The following BIN3 variants were observed in gnomAD, a reference collection of about 807,000 sequenced individuals.
The protein encoded by BIN3 is bridging integrator 3.
A neutral mutation model predicts 38.2 loss-of-function variants in BIN3; 41 were observed. The ratio of observed to expected loss-of-function variants is 1.07; its 90% confidence interval spans 0.84 to 1.39. The LOEUF is 1.39. Among genes scored for constraint, BIN3 ranks in the 40% most tolerant of loss-of-function variants. The probability of loss-of-function intolerance (pLI) is 0.00; values close to 1 mark genes in which losing one functional copy is unlikely to be tolerated. For synonymous variants in BIN3, 145 were observed against 122.6 expected, an observed-to-expected ratio of 1.18 and a Z score of -1.21; for missense variants, 361 against 324.3, an observed-to-expected ratio of 1.11 and a Z score of -0.87.
intron 6 of BIN3, chr8:22,625,574 C>G (rs538442355): frequency 4.9e-6 from 3 of 607,366 alleles, no homozygotes; most frequent in Non-Finnish European, 8.9e-6. Context: ...CCAGATGTGC[C>G]TCTCAAAGGA....
intron 1 of BIN3, among the ~76,000 whole-genome samples, chr8:22,645,931 T>C (rs1329565998): frequency 6.6e-6 from 1 of 152,192 alleles, no homozygotes; most frequent in African/African-American, 2.4e-5. Context: ...AAGTCTGCCT[T>C]GGACTTGCTA....
chr8:22,629,963 CT>C lies in BIN3; in HGVS notation c.338del (p.Lys113SerfsTer13), dbSNP rs776003776. On this transcript the variant is annotated frameshift_variant and splice_region_variant, in exon 6 of 9. Coordinates refer to ENST00000276416, the MANE Select transcript of BIN3 (RefSeq NM_018688.6). LOFTEE classifies it high-confidence loss of function. ...IQKTVIEPLK[K>X]FGSVFPSLNM... is the part of the protein sequence containing the mutation. ...GAGGCCCCCAGGTGACATTTACTCA[CT>C]TTTTTAAGGGCTCGATCACAGTCTT... The C allele has an allele frequency of 2.5e-6, 4 of 1,607,572 alleles. No homozygotes were observed. Among genetic ancestry groups the C allele is most frequent in the South Asian group, 1.1e-5 (1 of 89,742 alleles).
intron 8 of BIN3, 84 bp from the exon 9 acceptor site, chr8:22,621,652 A>T (rs115198417): frequency 3.6e-6 from 5 of 1,392,128 alleles, no homozygotes; most frequent in Non-Finnish European, 5.0e-6. Context: ...CTTCTCTGCT[A>T]CCCCCTGCCC....
rs1801951595 is a variant in BIN3, at chr8:22,624,628, G to A, written c.339-265C>T. On this transcript the variant is annotated intron_variant, in intron 6 of 8. Coordinates refer to ENST00000276416, the MANE Select transcript of BIN3 (RefSeq NM_018688.6). ...GCGAACGTGGACAATGTCATGGGGT[G>A]AGGGCAGATGAGAGGAGGTGGGGTT... 9.5e-6 allele frequency: 4 copies of A among 421,266 alleles called. No homozygotes were observed. In the South Asian group the frequency reaches 1.5e-4, roughly 16 times the overall value. 26.1% of individuals were successfully genotyped at this position (421,266 alleles called of 1,614,324 possible).
At chr8:22,653,626 C>T (rs558398783) in intron 1 of BIN3, among the ~76,000 whole-genome samples, 1 of 152,238 alleles carries the variant, frequency 6.6e-6, no homozygotes, top group Non-Finnish European at 1.5e-5. Context: ...AGTTCCATCC[C>T]CCAAAAAAGC....
chr8:22,631,237 C>G (rs13269603), intron 4 of BIN3, among the ~76,000 whole-genome samples: 1 of 152,108 alleles, frequency 6.6e-6, no homozygotes, highest in Non-Finnish European at 1.5e-5. Flanking sequence ...GGAAGAGATA[C>G]GCTGGAAAAT....
At chr8:22,633,398 G>T (rs927429883) in intron 4 of BIN3, among the ~76,000 whole-genome samples, 3 of 152,216 alleles carry the variant, frequency 2.0e-5, no homozygotes, top group African/African-American at 7.2e-5. Flanking sequence ...CAGGGACTGG[G>T]AGAGGGGCAC....
intron 6 of BIN3, chr8:22,625,709 T>TC: frequency 3.2e-6 from 1 of 310,572 alleles, no homozygotes; most frequent in South Asian, 4.9e-5. Context: ...TGCCTCAGCC[T>TC]CCCGAAGAGC....
At chr8:22,624,732 T>G in intron 6 of BIN3, 1 of 231,734 alleles carries the variant, frequency 4.3e-6, no homozygotes, top group Non-Finnish European at 8.4e-6. Context: ...TCCTGTGAGC[T>G]TTATCACACA....
At position 22,627,819 on chromosome 8, in the gene BIN3, C is replaced by T. The variant is rs193015193; in HGVS notation, c.338+2145G>A. 2.2e-4 allele frequency among the ~76,000 whole-genome samples: 34 copies of T among 152,374 alleles called. No individual in the cohort carries two copies. In the East Asian group the frequency reaches 4.1e-3, roughly 18 times the overall value. ...GTCAGACAGCCCACCGAGCATGCCC[C>T]GCTCCATGGTCCTGCACCACGCTGG... is the stretch of plus-strand genomic sequence containing the variant. On this transcript the variant is annotated intron_variant, in intron 6 of 8. Transcript: ENST00000276416.
At chr8:22,631,797 G>A in intron 4 of BIN3, among the ~76,000 whole-genome samples, 1 of 152,222 alleles carries the variant, frequency 6.6e-6, no homozygotes, top group East Asian at 1.9e-4. Flanking sequence ...CTGGGCAGAT[G>A]GGAAGCCTGG....
intron 1 of BIN3, among the ~76,000 whole-genome samples, chr8:22,654,334 G>A (rs1563978450): frequency 6.6e-6 from 1 of 152,064 alleles, no homozygotes; most frequent in Non-Finnish European, 1.5e-5. Context: ...CTCAGAATCT[G>A]GTTTATTTTT....
intron 4 of BIN3, among the ~76,000 whole-genome samples, chr8:22,631,106 G>A (rs962456740): frequency 5.3e-5 from 8 of 152,140 alleles, no homozygotes; most frequent in African/African-American, 1.9e-4. Context: ...TGTGAAAACT[G>A]CCAGCGACAA....
In BIN3 at chr8:22,669,076, G is replaced by A. The variant is rs767164730; in HGVS notation, c.-25C>T. The A allele has an allele frequency of 1.3e-6, 2 of 1,590,744 alleles. No individual in the cohort carries two copies. The highest frequency in any genetic ancestry group is 1.3e-5 in the African/African-American group (1 of 74,410). On this transcript the variant is annotated 5_prime_UTR_variant, in exon 1 of 9. Transcript: ENST00000276416. ...TGGTCCCGAACCTGCGTCTGCCGCC[G>A]GGGTCCTCAGCCACAACTCGTTTCT...
chr8:22,621,664 T>C (rs1453196882), intron 8 of BIN3, 96 bp from the exon 9 acceptor site: 7 of 1,296,816 alleles, frequency 5.4e-6, no homozygotes, highest in African/African-American at 1.5e-5. Context: ...CCCCTGCCCT[T>C]ACCCATCTGG....
At chr8:22,634,111 C>T (rs1474429559) in intron 4 of BIN3, among the ~76,000 whole-genome samples, 1 of 152,232 alleles carries the variant, frequency 6.6e-6, no homozygotes, top group Admixed American at 6.5e-5. Context: ...CAGCTGTCTG[C>T]AGAAGCAGGA....
chr8:22,665,694 G>C (rs1438480963), intron 1 of BIN3, among the ~76,000 whole-genome samples: 1 of 152,242 alleles, frequency 6.6e-6, no homozygotes, highest in Non-Finnish European at 1.5e-5. Flanking sequence ...AACACACGGA[G>C]TGAAGATGGA....
At chr8:22,660,225 A>C (rs765550284) in intron 1 of BIN3, among the ~76,000 whole-genome samples, 1 of 152,248 alleles carries the variant, frequency 6.6e-6, no homozygotes, top group Non-Finnish European at 1.5e-5. Context: ...AGAAGATCCT[A>C]ATATCTGACA....
At position 22,650,507 on chromosome 8, in the gene BIN3, C is replaced by A. The variant is rs980349506; in HGVS notation, c.9-5704G>T. Among the ~76,000 whole-genome samples the A allele has an allele frequency of 2.0e-5, 3 of 152,148 alleles. No homozygotes were observed. In the East Asian group the frequency reaches 5.8e-4, roughly 29 times the overall value. On this transcript the variant is annotated intron_variant, in intron 1 of 8. Transcript: ENST00000276416. ...CACTCCATCAACTTGCAACTATTTA[C>A]CTATATTTACTTTATTACTTTTATG... is the stretch of plus-strand genomic sequence containing the variant.
Sources: allele counts gnomAD v4.1 joint callset (sites outside exome capture counted in the v4.1 genomes callset), GRCh38; gene constraint gnomAD v4.1.1; transcripts MANE v1.5; gene names NCBI Gene and HGNC (gene_info 2026-07-23, HGNC 2026-07-21).